The following SPTBN4 variants were observed in gnomAD, a reference collection of about 807,000 sequenced individuals.
The protein encoded by SPTBN4 is spectrin beta, non-erythrocytic 4.
In SPTBN4, 96 loss-of-function variants were observed where a neutral mutation model predicts 277.8. The observed-to-expected ratio is 0.35, with a 90% CI of 0.29 to 0.41. SPTBN4 has a LOEUF of 0.41. Ranked by LOEUF, SPTBN4 falls within the 10% of genes least tolerant of loss-of-function variation. The pLI is 1.00. For synonymous variants in SPTBN4, 1,481 were observed against 1,580.3 expected, an observed-to-expected ratio of 0.94 and a Z score of 1.49; for missense variants, 3,006 against 3,595.7, an observed-to-expected ratio of 0.84 and a Z score of 4.19.
At chr19:40,467,826 G>A (rs563191371) in intron 1 of SPTBN4, among the ~76,000 whole-genome samples, 5 of 152,330 alleles carry the variant, frequency 3.3e-5, no homozygotes, top group Non-Finnish European at 5.9e-5. Context: ...GTTTAACAGG[G>A]AGGGAAACTG....
chr19:40,490,047 C>A lies in SPTBN4; in HGVS notation c.322-28C>A. The stretch of plus-strand genomic sequence containing the variant: ...CCATACTCCTGTCTGTCCAGACCCC[C>A]GATCGCCCACCGCCCCTGTCGCCCT... On this transcript the variant is annotated intron_variant, in intron 3 of 35. Coordinates refer to ENST00000598249, the MANE Select transcript of SPTBN4 (RefSeq NM_020971.3). This position sits in a 1 kb window ranked among gnomAD's most constrained non-coding sequence, Gnocchi z 4.3. 1 of 1,575,944 alleles carries A rather than the reference C, an allele frequency of 6.3e-7. No homozygotes were observed. Among genetic ancestry groups the A allele is most frequent in the Non-Finnish European group, 8.6e-7 (1 of 1,159,788 alleles).
chr19:40,533,357 C>T (rs928130419), intron 19 of SPTBN4, among the ~76,000 whole-genome samples: 4 of 152,164 alleles, frequency 2.6e-5, no homozygotes, highest in Non-Finnish European at 5.9e-5. Context: ...GGTCTTGTTA[C>T]TTTTAATACT....
At chr19:40,498,699 C>G (rs945749489) in intron 7 of SPTBN4, among the ~76,000 whole-genome samples, 1 of 147,916 alleles carries the variant, frequency 6.8e-6, no homozygotes, top group Non-Finnish European at 1.5e-5. Flanking sequence ...CCACCATGCC[C>G]GGCCTATTTA....
rs745352628 is a variant in SPTBN4, at chr19:40,493,064, C to G, written c.587+10C>G. 2 of 1,613,622 alleles carry G rather than the reference C, an allele frequency of 1.2e-6. No individual in the cohort carries two copies. The highest frequency in any genetic ancestry group is 2.7e-5 in the African/African-American group (2 of 74,916). On this transcript the variant is annotated intron_variant, in intron 5 of 35. Transcript: ENST00000598249. ...AGATGAAGACAGCTGGGTAAGCACC[C>G]CCACCACCTTCCTTAGGAGGTTAGG...
At chr19:40,524,199 G>A (rs1451744036) in intron 17 of SPTBN4, among the ~76,000 whole-genome samples, 1 of 152,088 alleles carries the variant, frequency 6.6e-6, no homozygotes, top group Non-Finnish European at 1.5e-5. Flanking sequence ...GCATGGGATA[G>A]CTGGTCCTGT....
rs528324531 is a variant in SPTBN4, at chr19:40,504,668, C to CAAA, written c.1665+545_1665+547dup. Among the ~76,000 whole-genome samples, 18 of 133,614 alleles carry CAAA rather than the reference C, an allele frequency of 1.3e-4. No homozygotes were observed. The Middle Eastern group carries it at 0.016, about 117-fold the overall frequency. 87.7% of individuals were successfully genotyped at this position (133,614 alleles called of 152,430 possible). Reference sequence around the variant, plus strand: ...TGGGCGACAGAGCGAGACTCCGTCTCAAAAAAAAAAACAAAAAAAACAAAA... The same window carrying CAAA: ...TGGGCGACAGAGCGAGACTCCGTCTCAAAAAAAAAAAAAACAAAAAAAACAAAA... On this transcript the variant is annotated intron_variant, in intron 12 of 35. Coordinates refer to ENST00000598249, the MANE Select transcript of SPTBN4 (RefSeq NM_020971.3).
intron 20 of SPTBN4, among the ~76,000 whole-genome samples, chr19:40,540,586 G>A (rs1257762134): frequency 6.6e-6 from 1 of 151,836 alleles, no homozygotes; most frequent in Admixed American, 6.6e-5. Context: ...TGGGCACAGT[G>A]GCTCATGCCT....
chr19:40,524,925 C>A (rs1370811434), intron 17 of SPTBN4, among the ~76,000 whole-genome samples: 1 of 152,222 alleles, frequency 6.6e-6, no homozygotes, highest in East Asian at 1.9e-4. Flanking sequence ...AACACCACCA[C>A]CTCCAGCCAT....
chr19:40,555,998 C>A, intron 24 of SPTBN4, 86 bp from the exon 25 acceptor site: 1 of 1,197,598 alleles, frequency 8.4e-7, no homozygotes, highest in Non-Finnish European at 1.2e-6. Flanking sequence ...AAACACAGCC[C>A]TGTCCTGGGG....
At chr19:40,539,934 T>TC (rs1389345415) in intron 20 of SPTBN4, among the ~76,000 whole-genome samples, 1 of 151,684 alleles carries the variant, frequency 6.6e-6, no homozygotes, top group African/African-American at 2.4e-5. Context: ...TCTTTAATTT[T>TC]TTTTTTTTTA....
chr19:40,540,313 G>A (rs1018114104), intron 20 of SPTBN4, among the ~76,000 whole-genome samples: 3 of 151,906 alleles, frequency 2.0e-5, no homozygotes, highest in Admixed American at 6.6e-5. Flanking sequence ...CCTTCCCTTT[G>A]GTTGTTACTT....
chr19:40,539,202 C>G (rs776170199), intron 20 of SPTBN4, among the ~76,000 whole-genome samples: 1 of 152,226 alleles, frequency 6.6e-6, no homozygotes, highest in African/African-American at 2.4e-5. Flanking sequence ...TTTGCAGTGG[C>G]TGAAGGCACA....
chr19:40,475,689 T>C (rs2079939036), intron 2 of SPTBN4, among the ~76,000 whole-genome samples: 1 of 147,228 alleles, frequency 6.8e-6, no homozygotes, highest in South Asian at 2.3e-4. Context: ...CTTGAACTCC[T>C]GGGCTCGGGC....
chr19:40,569,936 C>CACA (rs2081133937), intron 32 of SPTBN4, among the ~76,000 whole-genome samples: 5 of 131,574 alleles, frequency 3.8e-5, no homozygotes, highest in South Asian at 4.9e-4. Flanking sequence ...TACTGCCCCT[C>CACA]CACACACACA....
chr19:40,570,966 C>A, intron 33 of SPTBN4: 14 of 476,920 alleles, frequency 2.9e-5, no homozygotes, highest in South Asian at 8.0e-5. Flanking sequence ...TAGGTGGGGC[C>A]AGATGAGGGG....
At chr19:40,536,515 A>G (rs540707088) in intron 20 of SPTBN4, among the ~76,000 whole-genome samples, 20 of 152,130 alleles carry the variant, frequency 1.3e-4, no homozygotes, top group South Asian at 2.1e-4. Context: ...TGCCCGGCCA[A>G]TGAGGTCACT....
chr19:40,523,465 C>A lies in SPTBN4; in HGVS notation c.3683C>A (p.Pro1228Gln). 6.2e-7 allele frequency: 1 copy of A among 1,611,150 alleles called. No homozygotes were observed. Among genetic ancestry groups the A allele is most frequent in the South Asian group, 1.1e-5 (1 of 90,418 alleles). ...ATGGCGCTGTCTGGTGCGGAGCTCC[C>A]GGGCACAGTGGAATCGGTGGAGGAG... is the stretch of plus-strand genomic sequence containing the variant. ...QEMALSGAEL[P>Q]GTVESVEEAL... is the part of the protein sequence containing the mutation. Residue 1228 changes from proline (P) to glutamine (Q), a missense_variant, in exon 17 of 36, where the codon CCG becomes CAG. Transcript: ENST00000598249.
chr19:40,515,324 G>A lies in SPTBN4; in HGVS notation c.2779G>A (p.Asp927Asn), dbSNP rs759479948. 2.5e-6 allele frequency: 4 copies of A among 1,612,868 alleles called. No homozygotes were observed. The highest frequency in any genetic ancestry group is 1.1e-5 in the South Asian group (1 of 90,620). ...ATCCTCCTGCAGATTCGAGAGCCTG[G>A]ACCAAGAGATGAACAGCCTGATGGG... ...EVVQHRFESL[D>N]QEMNSLMGRV... Residue 927 changes from aspartate (D) to asparagine (N), a missense_variant, in exon 15 of 36, where the codon GAC becomes AAC. By Grantham distance (23) the Asp-to-Asn change is conservative. Transcript: ENST00000598249. The surrounding 1 kb of genome is among the most constrained non-coding windows in gnomAD (Gnocchi z 4.1).
At chr19:40,497,452 C>T (rs1221459008) in intron 6 of SPTBN4, 37 bp from the exon 7 acceptor site, 3 of 1,530,602 alleles carry the variant, frequency 2.0e-6, no homozygotes, top group Admixed American at 1.7e-5. Context: ...GGCTCTGGAG[C>T]CTGCCTGCTG....
Sources: allele counts gnomAD v4.1 joint callset (sites outside exome capture counted in the v4.1 genomes callset), GRCh38; gene constraint gnomAD v4.1.1; non-coding constraint Gnocchi (gnomAD v3.1); transcripts MANE v1.5; gene names NCBI Gene and HGNC (gene_info 2026-07-23, HGNC 2026-07-21).